Variants in PIGL observed in about 807,000 individuals in gnomAD.
PIGL encodes N-acetylglucosaminyl-phosphatidylinositol de-N-acetylase.
A neutral mutation model predicts 31.1 loss-of-function variants in PIGL; 22 were observed. The ratio of observed to expected loss-of-function variants is 0.71; its 90% CI spans 0.51 to 1.01. The LOEUF (loss-of-function observed/expected upper bound fraction) is 1.01. Among genes scored for constraint, PIGL ranks in the 50% least tolerant of loss-of-function variants. PIGL has a pLI of 0.00. For synonymous variants in PIGL, 131 were observed against 117.4 expected, an observed-to-expected ratio of 1.12 and a Z score of -0.75; for missense variants, 302 against 315.9, an observed-to-expected ratio of 0.96 and a Z score of 0.33.
chr17:16,245,567 C>A (rs1331152196), intron 2 of PIGL, among the ~76,000 whole-genome samples: 1 of 149,292 alleles, frequency 6.7e-6, no homozygotes, highest in African/African-American at 2.5e-5. Flanking sequence ...AGTGCAGTGG[C>A]TAATTTTTTG....
At chr17:16,227,551 G>A (rs1245012214) in intron 1 of PIGL, among the ~76,000 whole-genome samples, 3 of 150,168 alleles carry the variant, frequency 2.0e-5, no homozygotes, top group African/African-American at 7.4e-5. Context: ...AGAGATATGA[G>A]CTCATTTTTC....
At chr17:16,309,863 T>C (rs995520803) in intron 3 of PIGL, among the ~76,000 whole-genome samples, 11 of 151,950 alleles carry the variant, frequency 7.2e-5, no homozygotes, top group African/African-American at 2.4e-4. Flanking sequence ...CGGATAACTT[T>C]AGTCAGGAGT....
chr17:16,231,232 CTTTT>C (rs975246766), intron 1 of PIGL, among the ~76,000 whole-genome samples: 3 of 126,504 alleles, frequency 2.4e-5, no homozygotes, highest in Admixed American at 8.0e-5. Flanking sequence ...ATTTTCTTTT[CTTTT>C]TTTTTTTTTT....
intron 2 of PIGL, among the ~76,000 whole-genome samples, chr17:16,263,885 A>C (rs1463135622): frequency 1.6e-5 from 2 of 122,704 alleles, no homozygotes; most frequent in Admixed American, 1.1e-4. Flanking sequence ...CTTGTTGCCC[A>C]GGCTGGAGTG....
chr17:16,300,040 T>G, intron 3 of PIGL, 62 bp downstream of exon 3: 2 of 1,340,258 alleles, frequency 1.5e-6, no homozygotes, highest in Non-Finnish European at 2.1e-6. Flanking sequence ...ACCAGGTGGT[T>G]TCTGTAATTT....
intron 2 of PIGL, among the ~76,000 whole-genome samples, chr17:16,241,751 G>C (rs980676246): frequency 2.0e-5 from 3 of 152,112 alleles, no homozygotes; most frequent in Admixed American, 1.3e-4. Context: ...TATCTGCTCA[G>C]TATTAAACAA....
chr17:16,278,058 CTTT>C (rs57845853), intron 2 of PIGL, among the ~76,000 whole-genome samples: 4 of 141,128 alleles, frequency 2.8e-5, no homozygotes, highest in Non-Finnish European at 4.7e-5. Flanking sequence ...AAACTCAATT[CTTT>C]TTTTTTTTTT....
At chr17:16,318,767 C>T (rs1380034166) in intron 6 of PIGL, among the ~76,000 whole-genome samples, 5 of 151,472 alleles carry the variant, frequency 3.3e-5, no homozygotes, top group Admixed American at 2.6e-4. Flanking sequence ...CCCGTCTCTA[C>T]TAAAGCTACA....
chr17:16,318,063 G>A (rs1208272554), intron 6 of PIGL, among the ~76,000 whole-genome samples, 155 bp downstream of exon 6: 1 of 151,314 alleles, frequency 6.6e-6, no homozygotes, highest in East Asian at 1.9e-4. Flanking sequence ...GCTAGATCTT[G>A]GGAGGCATAG....
rs758380335 is a variant in PIGL at position 16,217,236 on chromosome 17, A to G, written c.10A>G (p.Met4Val). Residue 4 changes from methionine (M) to valine (V), a missense_variant, in exon 1 of 7, where the codon ATG becomes GTG. By Grantham distance (21) the Met-to-Val change is conservative (BLOSUM62 1). Coordinates refer to ENST00000225609, the MANE Select transcript of PIGL (RefSeq NM_004278.4). MEA[M>V]WLLCVALAVL... ...GTGCTGCTTACCCATCATGGAAGCAATGTGGCTCCTGTGTGTGGCGTTGGC... is the reference window on the plus strand; with the variant it reads ...GTGCTGCTTACCCATCATGGAAGCAGTGTGGCTCCTGTGTGTGGCGTTGGC... 15 of 1,613,984 alleles carry G rather than the reference A, an allele frequency of 9.3e-6. No homozygotes were observed. Among genetic ancestry groups the G allele is most frequent in the Non-Finnish European group, 1.3e-5 (15 of 1,179,984 alleles).
At chr17:16,308,104 G>A (rs1441505370) in intron 3 of PIGL, among the ~76,000 whole-genome samples, 1 of 152,142 alleles carries the variant, frequency 6.6e-6, no homozygotes, top group Admixed American at 6.5e-5. Flanking sequence ...GGAGGCTGAG[G>A]CAGGTGCATC....
At chr17:16,266,672 T>G (rs548712345) in intron 2 of PIGL, among the ~76,000 whole-genome samples, 2 of 151,956 alleles carry the variant, frequency 1.3e-5, no homozygotes, top group Non-Finnish European at 2.9e-5. Flanking sequence ...CTCGGCTCAC[T>G]GCAAGCTCCG....
chr17:16,267,512 G>A (rs59191673), intron 2 of PIGL, among the ~76,000 whole-genome samples: 7,379 of 151,966 alleles, frequency 0.049, 617 homozygotes, highest in African/African-American at 0.17. Flanking sequence ...TGGTCATATT[G>A]TCGGGGTTCT....
chr17:16,244,656 T>C lies in PIGL; in HGVS notation c.335+10586T>C, dbSNP rs985525316. On this transcript the variant is annotated intron_variant, in intron 2 of 6. Transcript: ENST00000225609. ...ATAAACACCTCCTAAGTTGAAGGTA[T>C]AAAGCGGGGAGTTTTTGGTTTTTGT... 2.0e-5 allele frequency among the ~76,000 whole-genome samples: 3 copies of C among 152,160 alleles called. No individual in the cohort carries two copies. The South Asian group carries it at 6.2e-4, about 32-fold the overall frequency.
intron 2 of PIGL, among the ~76,000 whole-genome samples, chr17:16,273,519 A>C (rs1011242843): frequency 5.3e-5 from 8 of 152,218 alleles, no homozygotes; most frequent in African/African-American, 1.9e-4. Flanking sequence ...AACACTGTGG[A>C]AAGCAGCTTG....
intron 2 of PIGL, among the ~76,000 whole-genome samples, chr17:16,291,506 C>CA (rs71150287): frequency 4.8e-4 from 48 of 99,768 alleles, no homozygotes; most frequent in South Asian, 1.9e-3. Flanking sequence ...GACTCTGGCT[C>CA]AAAAAAAAAA....
At chr17:16,320,867 G>A (rs958836637) in intron 6 of PIGL, among the ~76,000 whole-genome samples, 14 of 150,590 alleles carry the variant, frequency 9.3e-5, no homozygotes, top group South Asian at 2.1e-4. Context: ...ACTCCTGACC[G>A]CAGGTGATCT....
rs760752045 is a variant in PIGL at position 16,217,252 on chromosome 17, T to C, written c.26T>C (p.Val9Ala). 1.2e-6 allele frequency: 2 copies of C among 1,614,182 alleles called. No individual in the cohort carries two copies. Among genetic ancestry groups the C allele is most frequent in the Non-Finnish European group, 1.7e-6 (2 of 1,180,030 alleles). Residue 9 changes from valine to alanine, a missense_variant, in exon 1 of 7, where the codon GTG becomes GCG. Val to Ala is a moderately conservative substitution (Grantham distance 64, BLOSUM62 0). Coordinates refer to ENST00000225609, the MANE Select transcript of PIGL (RefSeq NM_004278.4). ...ATGGAAGCAATGTGGCTCCTGTGTG[T>C]GGCGTTGGCGGTCTTGGCATGGGGC... MEAMWLLC[V>A]ALAVLAWGFL...
intron 2 of PIGL, among the ~76,000 whole-genome samples, chr17:16,266,098 CTCAT>C (rs1376453143): frequency 6.6e-6 from 1 of 151,934 alleles, no homozygotes; most frequent in African/African-American, 2.4e-5. Flanking sequence ...TTTACATAAC[CTCAT>C]TCATCTCCAG....
Sources: allele counts gnomAD v4.1 joint callset (sites outside exome capture counted in the v4.1 genomes callset), GRCh38; gene constraint gnomAD v4.1.1; transcripts MANE v1.5; gene names NCBI Gene and HGNC (gene_info 2026-07-23, HGNC 2026-07-21).